Variants in MAML3 observed in about 807,000 individuals in gnomAD.
MAML3 encodes the protein mastermind like transcriptional coactivator 3.
A neutral mutation model predicts 101.9 loss-of-function variants in MAML3; 27 were observed. That is an observed-to-expected ratio of 0.27 (90% CI 0.20 to 0.37). The LOEUF is 0.37. Among genes scored for constraint, MAML3 ranks in the 10% least tolerant of loss-of-function variants. The pLI is 1.00. For synonymous variants in MAML3, 501 were observed against 555.9 expected (o/e 0.90, Z 1.39); for missense variants, 1,316 against 1,444.9 (o/e 0.91, Z 1.45).
intron 1 of MAML3, among the ~76,000 whole-genome samples, chr4:139,935,224 T>C (rs1249573128): frequency 6.6e-6 from 1 of 151,764 alleles, no homozygotes; most frequent in African/African-American, 2.4e-5. Context: ...TTTTTTTTTT[T>C]TTTTTCGGAC....
chr4:139,749,345 G>T (rs1004876469), intron 2 of MAML3, among the ~76,000 whole-genome samples: 2 of 152,170 alleles, frequency 1.3e-5, no homozygotes, highest in Non-Finnish European at 2.9e-5. Context: ...AGCACCATGA[G>T]GCCAAGTTAT....
intron 1 of MAML3, among the ~76,000 whole-genome samples, chr4:140,030,215 CT>C (rs1726886483): frequency 1.3e-5 from 2 of 152,126 alleles, no homozygotes; most frequent in South Asian, 4.1e-4. Flanking sequence ...TATTCTTCAT[CT>C]TTAAATGTCC....
chr4:139,803,155 A>G (rs1250630919), intron 2 of MAML3, among the ~76,000 whole-genome samples: 1 of 152,132 alleles, frequency 6.6e-6, no homozygotes, highest in Non-Finnish European at 1.5e-5. Flanking sequence ...CTGTAGTCCT[A>G]TGAGGCGGGA....
chr4:139,898,244 T>C (rs1282161164), intron 1 of MAML3, among the ~76,000 whole-genome samples: 1 of 152,266 alleles, frequency 6.6e-6, no homozygotes, highest in Non-Finnish European at 1.5e-5. Context: ...GACTGCATAG[T>C]GTTCTCAGAA....
intron 1 of MAML3, among the ~76,000 whole-genome samples, chr4:140,044,646 A>T (rs1452901931): frequency 1.3e-5 from 2 of 152,240 alleles, no homozygotes; most frequent in Non-Finnish European, 2.9e-5. Context: ...AGCAGCTGTG[A>T]AATGTCAAGT....
At chr4:139,973,134 T>G (rs1734259725) in intron 1 of MAML3, among the ~76,000 whole-genome samples, 1 of 152,228 alleles carries the variant, frequency 6.6e-6, no homozygotes, top group Admixed American at 6.5e-5. Flanking sequence ...ACTTGGCTCA[T>G]TCAGGTGTTT....
intron 1 of MAML3, among the ~76,000 whole-genome samples, chr4:139,947,882 A>G (rs1487931865): frequency 6.6e-6 from 1 of 152,118 alleles, no homozygotes; most frequent in African/African-American, 2.4e-5. Flanking sequence ...TGGGCGGATC[A>G]CCTGAGGTTG....
intron 2 of MAML3, among the ~76,000 whole-genome samples, chr4:139,820,202 G>A (rs775809090): frequency 6.6e-6 from 1 of 152,102 alleles, no homozygotes; most frequent in Non-Finnish European, 1.5e-5. Context: ...ACTGTGACCC[G>A]AATGTCATAG....
At chr4:139,746,909 C>A (rs1302151080) in intron 2 of MAML3, among the ~76,000 whole-genome samples, 2 of 152,032 alleles carry the variant, frequency 1.3e-5, no homozygotes, top group African/African-American at 2.4e-5. Flanking sequence ...GGGTTGCTGG[C>A]GTCTGCTGTC....
At chr4:139,862,223 A>G (rs1731797312) in intron 2 of MAML3, among the ~76,000 whole-genome samples, 1 of 152,152 alleles carries the variant, frequency 6.6e-6, no homozygotes, top group Non-Finnish European at 1.5e-5. Flanking sequence ...AAACAAACAA[A>G]CAAAAAAAAC....
At chr4:139,816,905 G>A (rs1311152956) in intron 2 of MAML3, among the ~76,000 whole-genome samples, 3 of 152,162 alleles carry the variant, frequency 2.0e-5, no homozygotes, top group Non-Finnish European at 4.4e-5. Context: ...GGATGTATGT[G>A]AATGTGCTAG....
chr4:139,832,094 C>CTTTTTTT (rs70943444), intron 2 of MAML3, among the ~76,000 whole-genome samples: 10 of 64,700 alleles, frequency 1.5e-4, no homozygotes, highest in Admixed American at 5.4e-4. Context: ...TGCCCAGCCC[C>CTTTTTTT]TTTTTTTTTT....
Position 139,864,767 on chromosome 4 carries a change from T to C in MAML3, c.2079+24590A>G, listed in dbSNP as rs574157338. ...CAACTATGTTCACTTACTCACTTCC[T>C]ATAATTGCCATCAACATGTTTGGGA... On this transcript the variant is annotated intron_variant, in intron 2 of 4. Coordinates refer to ENST00000509479, the MANE Select transcript of MAML3 (RefSeq NM_018717.5). Among the ~76,000 whole-genome samples the C allele has an allele frequency of 2.6e-5, 4 of 151,216 alleles. No individual in the cohort carries two copies. In the East Asian group the frequency reaches 7.8e-4, roughly 29 times the overall value.
intron 1 of MAML3, among the ~76,000 whole-genome samples, chr4:139,994,288 C>T (rs1352999635): frequency 6.6e-6 from 1 of 152,198 alleles, no homozygotes; most frequent in African/African-American, 2.4e-5. Flanking sequence ...CTATTGCTAA[C>T]TTAGTCTTAA....
chr4:140,070,497 A>C (rs11100467), intron 1 of MAML3, among the ~76,000 whole-genome samples: 108,526 of 152,092 alleles, frequency 0.71, 38,984 homozygotes, highest in African/African-American at 0.78. Flanking sequence ...CAAAAAGAGA[A>C]AAGCTTCAAA....
At chr4:139,756,523 G>C (rs757301820) in intron 2 of MAML3, among the ~76,000 whole-genome samples, 10 of 152,222 alleles carry the variant, frequency 6.6e-5, no homozygotes, top group Non-Finnish European at 1.0e-4. Flanking sequence ...ACCTTAAAGG[G>C]ACCCCGAGGC....
rs546796008 is a variant in MAML3 at position 139,772,227 on chromosome 4, G to A, written c.2080-41560C>T. On this transcript the variant is annotated intron_variant, in intron 2 of 4. Coordinates refer to ENST00000509479, the MANE Select transcript of MAML3 (RefSeq NM_018717.5). ...TGCACTCCAGCCTGGGTGACAGAGC[G>A]AGACTCCGTTCTCAAAAAAAAAAAA... Among the ~76,000 whole-genome samples the A allele has an allele frequency of 1.8e-3, 169 of 94,354 alleles. 2 individuals are homozygous for A. Among genetic ancestry groups the A allele is most frequent in the South Asian group, 0.017 (38 of 2,188 alleles). The allele number at this position is 94,354 out of a possible 152,430, so 61.9% of individuals were successfully genotyped here.
At chr4:139,996,297 G>A (rs951238825) in intron 1 of MAML3, among the ~76,000 whole-genome samples, 2 of 152,162 alleles carry the variant, frequency 1.3e-5, no homozygotes. Context: ...GTGTTCTATA[G>A]CATTGGTGAT....
At chr4:139,971,840 C>T (rs980098371) in intron 1 of MAML3, among the ~76,000 whole-genome samples, 7 of 152,110 alleles carry the variant, frequency 4.6e-5, no homozygotes, top group Non-Finnish European at 1.0e-4. Flanking sequence ...GTGAGCATTC[C>T]CTGGTCCAGA....
Sources: gnomAD v4.1 joint callset for allele counts (sites outside exome capture counted in the v4.1 genomes callset) on GRCh38, gnomAD v4.1.1 for gene constraint, MANE v1.5 for transcripts, NCBI Gene and HGNC (gene_info 2026-07-23, HGNC 2026-07-21) for gene names.